The following OLFM2 variants were observed in gnomAD, a reference collection of about 807,000 sequenced individuals.
OLFM2 encodes noelin-2.
A neutral mutation model predicts 43.9 loss-of-function variants in OLFM2; 20 were observed. The ratio of observed to expected loss-of-function variants is 0.46; its 90% CI spans 0.32 to 0.66. The LOEUF is 0.66. Ranked by LOEUF, OLFM2 falls within the 30% of genes least tolerant of loss-of-function variation. The probability of loss-of-function intolerance (pLI) is 0.04; values close to 1 mark genes in which losing one functional copy is unlikely to be tolerated. For synonymous variants in OLFM2, 268 were observed against 278.6 expected (o/e 0.96, Z 0.38); for missense variants, 416 against 643.6 (o/e 0.65, Z 3.83).
At chr19:9,922,679 A>C (rs2086428250) in intron 1 of OLFM2, among the ~76,000 whole-genome samples, 1 of 152,152 alleles carries the variant, frequency 6.6e-6, no homozygotes, top group African/African-American at 2.4e-5. Flanking sequence ...GTACTTTGGG[A>C]GGCCAAGGTG....
intron 1 of OLFM2, among the ~76,000 whole-genome samples, chr19:9,932,286 C>A (rs1326854196): frequency 6.6e-6 from 1 of 151,872 alleles, no homozygotes; most frequent in Non-Finnish European, 1.5e-5. Flanking sequence ...CCTGTCTCTA[C>A]TAAAAATACA....
intron 1 of OLFM2, among the ~76,000 whole-genome samples, chr19:9,862,686 A>G (rs1263351299): frequency 2.0e-5 from 3 of 151,670 alleles, no homozygotes; most frequent in Non-Finnish European, 4.4e-5. Context: ...ATCTCTTAAA[A>G]AAAACAGGCC....
intron 1 of OLFM2, among the ~76,000 whole-genome samples, chr19:9,931,224 A>G (rs2086480170): frequency 6.6e-6 from 1 of 152,206 alleles, no homozygotes; most frequent in Non-Finnish European, 1.5e-5. Flanking sequence ...GTGGAATGTC[A>G]GGCACAGGTA....
At chr19:9,859,030 A>G (rs1477127022) in intron 2 of OLFM2, among the ~76,000 whole-genome samples, 1 of 152,216 alleles carries the variant, frequency 6.6e-6, no homozygotes, top group African/African-American at 2.4e-5. Context: ...GTAGATTCCC[A>G]CCAGCTTCAC....
chr19:9,922,923 A>G (rs2145004427), intron 1 of OLFM2, among the ~76,000 whole-genome samples: 1 of 151,804 alleles, frequency 6.6e-6, no homozygotes, highest in African/African-American at 2.4e-5. Flanking sequence ...AAAAAAAAAA[A>G]AAGAAAGAAA....
At chr19:9,932,156 C>T (rs1167459159) in intron 1 of OLFM2, among the ~76,000 whole-genome samples, 25 of 151,816 alleles carry the variant, frequency 1.6e-4, no homozygotes, top group Non-Finnish European at 5.9e-5. Context: ...AATGTGGAAA[C>T]GAGGGCTATA....
At chr19:9,917,019 C>G (rs1018029504) in intron 1 of OLFM2, among the ~76,000 whole-genome samples, 2 of 152,206 alleles carry the variant, frequency 1.3e-5, no homozygotes, top group South Asian at 4.2e-4. Context: ...GGGCTTTGTC[C>G]TGGGTTCCCT....
chr19:9,923,239 A>T (rs2086431400), intron 1 of OLFM2, among the ~76,000 whole-genome samples: 1 of 150,432 alleles, frequency 6.6e-6, no homozygotes, highest in South Asian at 2.1e-4. Context: ...CACAGTGATA[A>T]TTTTTTTTTT....
intron 1 of OLFM2, among the ~76,000 whole-genome samples, chr19:9,878,697 G>A (rs1361897619): frequency 1.3e-5 from 2 of 152,116 alleles, no homozygotes; most frequent in African/African-American, 2.4e-5. Context: ...CTGTTTTCCA[G>A]ATAGGACAGC....
At chr19:9,877,173 T>C (rs1179593672) in intron 1 of OLFM2, among the ~76,000 whole-genome samples, 6 of 146,564 alleles carry the variant, frequency 4.1e-5, no homozygotes, top group Non-Finnish European at 8.9e-5. Flanking sequence ...AAGGTTGCGA[T>C]GAGCCGAGAT....
intron 1 of OLFM2, among the ~76,000 whole-genome samples, chr19:9,935,496 A>G (rs1047493328): frequency 5.3e-5 from 8 of 152,062 alleles, no homozygotes; most frequent in African/African-American, 1.9e-4. Flanking sequence ...ACCAAGATAC[A>G]CACACACACG....
chr19:9,900,468 T>G (rs1442031298), intron 1 of OLFM2, among the ~76,000 whole-genome samples: 1 of 152,072 alleles, frequency 6.6e-6, no homozygotes, highest in African/African-American at 2.4e-5. Context: ...AGAATATTCA[T>G]GATAGTAATC....
chr19:9,909,215 A>AC (rs34245537), intron 1 of OLFM2, among the ~76,000 whole-genome samples: 5 of 152,006 alleles, frequency 3.3e-5, no homozygotes, highest in African/African-American at 1.2e-4. Context: ...CAAATAGCAC[A>AC]CCCCTCCTCC....
intron 1 of OLFM2, among the ~76,000 whole-genome samples, chr19:9,865,092 A>AC (rs1478253320): frequency 2.0e-5 from 3 of 151,302 alleles, no homozygotes; most frequent in Non-Finnish European, 2.9e-5. Context: ...CAAGAGGAAT[A>AC]CCCCAAGAAA....
Position 9,930,047 on chromosome 19 carries a change from AAAAG to A in OLFM2, c.63+6253_63+6256del, listed in dbSNP as rs1555729700. Among the ~76,000 whole-genome samples the A allele has an allele frequency of 3.2e-3, 483 of 151,970 alleles. 3 individuals are homozygous for A. The highest frequency in any genetic ancestry group is 5.3e-3 in the Non-Finnish European group (362 of 67,972). ...AGAGCGAAACTCCATCTCAAAAAAA[AAAAG>A]AAAGAAAGAAAGAAATCCACACATA... On this transcript the variant is annotated intron_variant, in intron 1 of 5. Transcript: ENST00000264833.
At position 9,854,745 on chromosome 19, in the gene OLFM2, G is replaced by C; in HGVS notation, c.806C>G (p.Thr269Arg). The C allele has an allele frequency of 1.2e-6, 2 of 1,613,898 alleles. No homozygotes were observed. Among genetic ancestry groups the C allele is most frequent in the Non-Finnish European group, 1.7e-6 (2 of 1,179,828 alleles). ...GGAGCCGTTGTACACCACGTGGCCC[G>C]TGCCCGCCCACGGCTGGGGCAGCAG... ...QHLLPQPWAG[T>R]GHVVYNGSLF... The change falls in exon 6 of 6, where the codon ACG (threonine) becomes AGG (arginine). Residue 269 changes from threonine (T) to arginine (R), a missense_variant. Coordinates refer to ENST00000264833, the MANE Select transcript of OLFM2 (RefSeq NM_058164.4). The surrounding 1 kb of genome is among the most constrained non-coding windows in gnomAD (Gnocchi z 9.5).
intron 1 of OLFM2, among the ~76,000 whole-genome samples, chr19:9,904,448 C>T (rs1404260348): frequency 6.6e-6 from 1 of 151,918 alleles, no homozygotes; most frequent in Non-Finnish European, 1.5e-5. Flanking sequence ...ACGTCTGCCT[C>T]CCAAAGTGTT....
rs1196309065 is a variant in OLFM2, at chr19:9,856,182, T to TCCGC, written c.687+624_687+625insGCGG. Among the ~76,000 whole-genome samples the TCCGC allele has an allele frequency of 7.2e-5, 11 of 152,276 alleles. No homozygotes were observed. Among genetic ancestry groups the TCCGC allele is most frequent in the Admixed American group, 7.2e-4 (11 of 15,292 alleles). ...GGTGCGATCTTGGCTCACTGCAACC[T>TCCGC]CTGCCTCCAGGGTTCAAGTGATTCT... On this transcript the variant is annotated intron_variant, in intron 5 of 5. Transcript: ENST00000264833. This position sits in a 1 kb window ranked among gnomAD's most constrained non-coding sequence, Gnocchi z 4.0.
At chr19:9,912,617 A>C (rs761728464) in intron 1 of OLFM2, among the ~76,000 whole-genome samples, 1 of 151,992 alleles carries the variant, frequency 6.6e-6, no homozygotes, top group Non-Finnish European at 1.5e-5. Flanking sequence ...TCAGGACACC[A>C]CGGGGAGAAC....
Sources: gnomAD v4.1 joint callset for allele counts (sites outside exome capture counted in the v4.1 genomes callset) on GRCh38, gnomAD v4.1.1 for gene constraint, Gnocchi (gnomAD v3.1) non-coding constraint, MANE v1.5 for transcripts, NCBI Gene and HGNC (gene_info 2026-07-23, HGNC 2026-07-21) for gene names.